RTL4: variants seen among roughly 807,000 people sequenced by gnomAD.
RTL4 encodes retrotransposon Gag like 4, also known as retrotransposon Gag-like protein 4.
In RTL4, 4 loss-of-function variants were observed where a neutral mutation model predicts 5.3. The observed-to-expected ratio is 0.75, with a 90% CI of 0.37 to 1.72. The LOEUF (loss-of-function observed/expected upper bound fraction) is 1.72. Ranked by LOEUF, RTL4 falls within the 40% of genes most tolerant of loss-of-function variation. RTL4 has a pLI of 0.04. For synonymous variants in RTL4, 98 were observed against 87.3 expected (o/e 1.12, Z -0.68); for missense variants, 260 against 227.1 (o/e 1.14, Z -0.93).
chrX:112,319,193 C>T, the RTL4 span, among the ~76,000 whole-genome samples: 2 of 111,789 alleles, frequency 1.8e-5, no homozygotes, highest in Non-Finnish European at 3.8e-5. Context: ...CTCTTTTAGG[C>T]CCATGAATGG....
chrX:112,442,763 A>T, the RTL4 span, among the ~76,000 whole-genome samples: 1 of 110,621 alleles, frequency 9.0e-6, no homozygotes, highest in Non-Finnish European at 1.9e-5. Flanking sequence ...GCTAAATCTT[A>T]TTTTTTTAAT....
At chrX:112,110,232 G>C in the RTL4 span, among the ~76,000 whole-genome samples, 1 of 112,320 alleles carries the variant, frequency 8.9e-6, no homozygotes, top group Non-Finnish European at 1.9e-5. Context: ...AAGGTGCAAA[G>C]TCCTCCTTTC....
the RTL4 span, among the ~76,000 whole-genome samples, chrX:112,337,304 G>A: frequency 9.0e-6 from 1 of 111,672 alleles, no homozygotes; most frequent in Non-Finnish European, 1.9e-5. Context: ...TATTTTTGGG[G>A]ATGGAATCTG....
the RTL4 span, among the ~76,000 whole-genome samples, chrX:112,172,620 G>A: frequency 1.8e-5 from 2 of 110,871 alleles, no homozygotes; most frequent in Non-Finnish European, 3.8e-5. Context: ...AGATCTAGAA[G>A]CAGAAATACT....
At chrX:112,348,002 T>A in the RTL4 span, among the ~76,000 whole-genome samples, 1 of 111,793 alleles carries the variant, frequency 8.9e-6, no homozygotes, top group East Asian at 2.8e-4. Flanking sequence ...GTCATATATT[T>A]TATGTAATAT....
the RTL4 span, among the ~76,000 whole-genome samples, chrX:112,393,779 A>C: frequency 2.7e-5 from 3 of 111,758 alleles, no homozygotes; most frequent in African/African-American, 9.8e-5. Context: ...GGAATTCCAA[A>C]CCAGTGGGTC....
the RTL4 span, among the ~76,000 whole-genome samples, chrX:112,316,416 C>A: frequency 9.0e-6 from 1 of 111,513 alleles, no homozygotes; most frequent in Non-Finnish European, 1.9e-5. Context: ...TAAAGGAGGA[C>A]TGGATTAGAT....
At chrX:112,232,568 G>C in the RTL4 span, among the ~76,000 whole-genome samples, 1 of 111,748 alleles carries the variant, frequency 8.9e-6, no homozygotes, top group Non-Finnish European at 1.9e-5. Flanking sequence ...CTAAAAATAA[G>C]AGTCAACCCT....
chrX:112,127,358 G>T, the RTL4 span, among the ~76,000 whole-genome samples: 1 of 110,815 alleles, frequency 9.0e-6, no homozygotes, highest in Non-Finnish European at 1.9e-5. Flanking sequence ...AAAAGCACTT[G>T]TCAAAATTCA....
the RTL4 span, among the ~76,000 whole-genome samples, chrX:112,195,283 T>A: frequency 8.9e-6 from 1 of 112,029 alleles, no homozygotes; most frequent in African/African-American, 3.2e-5. Flanking sequence ...GGAAGCTATT[T>A]GAAAAATTGA....
chrX:112,104,550 C>T, the RTL4 span, among the ~76,000 whole-genome samples: 5 of 111,905 alleles, frequency 4.5e-5, no homozygotes, highest in Non-Finnish European at 7.5e-5. Flanking sequence ...CACAGCCTTG[C>T]CCACACTTTT....
chrX:112,188,939 G>A, the RTL4 span, among the ~76,000 whole-genome samples: 3 of 111,102 alleles, frequency 2.7e-5, no homozygotes, highest in Admixed American at 9.6e-5. Flanking sequence ...ACCTGTTAGA[G>A]CCAGGACTAG....
At chrX:112,404,881 A>C in the RTL4 span, among the ~76,000 whole-genome samples, 1 of 112,359 alleles carries the variant, frequency 8.9e-6, no homozygotes, top group Non-Finnish European at 1.9e-5. Context: ...GCTTCCTTCT[A>C]ATAGTAATCT....
the RTL4 span, among the ~76,000 whole-genome samples, chrX:112,401,930 A>G: frequency 2.7e-5 from 3 of 111,753 alleles, no homozygotes; most frequent in East Asian, 8.5e-4. Flanking sequence ...TTTCTATACA[A>G]TTTTCTATCC....
At chrX:112,382,256 G>C in the RTL4 span, 1 of 984,842 alleles carries the variant, frequency 1.0e-6, no homozygotes, top group Non-Finnish European at 1.4e-6. Flanking sequence ...AATAAGAACT[G>C]GAGCAAGTAC....
chrX:112,341,397 T>C, the RTL4 span, among the ~76,000 whole-genome samples: 7 of 112,096 alleles, frequency 6.2e-5, no homozygotes, highest in African/African-American at 1.9e-4. Context: ...GAGATGTCAA[T>C]GAGACTGCAC....
the RTL4 span, among the ~76,000 whole-genome samples, chrX:112,083,109 C>A: frequency 9.0e-6 from 1 of 111,239 alleles, no homozygotes; most frequent in Non-Finnish European, 1.9e-5. Flanking sequence ...TCTCATCTCT[C>A]CCCCCTCGGT....
chrX:112,178,226 C>T, the RTL4 span, among the ~76,000 whole-genome samples: 1 of 111,422 alleles, frequency 9.0e-6, no homozygotes, highest in Non-Finnish European at 1.9e-5. Flanking sequence ...TGCAGATTAA[C>T]CAGGACTTGT....
the RTL4 span, among the ~76,000 whole-genome samples, chrX:112,300,876 A>G: frequency 9.0e-6 from 1 of 111,688 alleles, no homozygotes; most frequent in Admixed American, 9.6e-5. Context: ...CAATCTAGTG[A>G]GAAAGAGCAG....
Sources: gnomAD v4.1 joint callset for allele counts (sites outside exome capture counted in the v4.1 genomes callset) on GRCh38, gnomAD v4.1.1 for gene constraint, MANE v1.5 for transcripts, NCBI Gene and HGNC (gene_info 2026-07-23, HGNC 2026-07-21) for gene names.